NCOA6: variants seen among roughly 807,000 people sequenced by gnomAD.
NCOA6 encodes the protein nuclear receptor coactivator 6, also known as NRC RAP250.
A neutral mutation model predicts 171.4 loss-of-function variants in NCOA6; 49 were observed. The ratio of observed to expected loss-of-function variants is 0.29; its 90% confidence interval spans 0.23 to 0.36. The LOEUF (loss-of-function observed/expected upper bound fraction) is 0.36, where lower values mean the gene tolerates loss of function less well. Ranked by LOEUF, NCOA6 falls within the 10% of genes least tolerant of loss-of-function variation. The probability of loss-of-function intolerance (pLI) is 1.00; values close to 1 mark genes in which losing one functional copy is unlikely to be tolerated. For missense variants in NCOA6, 2,248 were observed against 2,554.5 expected (o/e 0.88, Z 2.59); for synonymous variants, 910 against 927.5 (o/e 0.98, Z 0.34).
intron 1 of NCOA6, among the ~76,000 whole-genome samples, chr20:34,809,785 G>A (rs1363227639): frequency 1.3e-5 from 2 of 152,044 alleles, no homozygotes; most frequent in Non-Finnish European, 1.5e-5. Flanking sequence ...TGACCAACAT[G>A]GCAAAACCCC....
At chr20:34,804,529 T>C (rs1481424242) in intron 1 of NCOA6, among the ~76,000 whole-genome samples, 5 of 148,602 alleles carry the variant, frequency 3.4e-5, no homozygotes, top group Non-Finnish European at 7.5e-5. Flanking sequence ...AAAAAGTTCA[T>C]CAAAATATTC....
intron 5 of NCOA6, among the ~76,000 whole-genome samples, chr20:34,765,306 A>AC (rs1481335516): frequency 2.0e-5 from 3 of 151,668 alleles, no homozygotes; most frequent in African/African-American, 7.3e-5. Context: ...CAAAAAAAAA[A>AC]ATTAGCCAGG....
intron 14 of NCOA6, among the ~76,000 whole-genome samples, chr20:34,726,287 C>G (rs1288579668): frequency 6.6e-6 from 1 of 152,114 alleles, no homozygotes; most frequent in Non-Finnish European, 1.5e-5. Flanking sequence ...AAGGAGGATA[C>G]TGGTAGATTT....
rs1483127160 is a variant in NCOA6, at chr20:34,725,450, C to CTTGTG, written c.6148+1808_6148+1809insCACAA. Among the ~76,000 whole-genome samples, 104 of 152,258 alleles carry CTTGTG rather than the reference C, an allele frequency of 6.8e-4. 2 individuals are homozygous for CTTGTG. Among genetic ancestry groups the CTTGTG allele is most frequent in the African/African-American group, 2.2e-3 (92 of 41,524 alleles). On this transcript the variant is annotated intron_variant, in intron 14 of 14. Coordinates refer to ENST00000359003, the MANE Select transcript of NCOA6 (RefSeq NM_014071.5). Reference sequence around the variant, plus strand: ...AGAAGAGCACTCCCTGCAGTAGCTGCAACATATGCACAGGCTTGTGATCAG... The same window carrying CTTGTG: ...AGAAGAGCACTCCCTGCAGTAGCTGCTTGTGAACATATGCACAGGCTTGTGATCAG...
intron 14 of NCOA6, among the ~76,000 whole-genome samples, chr20:34,724,241 C>T (rs1201781271): frequency 6.6e-6 from 1 of 152,160 alleles, no homozygotes; most frequent in Admixed American, 6.5e-5. Flanking sequence ...AGAAAGAAGG[C>T]CTCTCTCACC....
chr20:34,754,928 T>C (rs2076601856), intron 7 of NCOA6, 60 bp from the exon 8 acceptor site: 13 of 1,569,006 alleles, frequency 8.3e-6, no homozygotes, highest in Admixed American at 1.7e-5. Flanking sequence ...TGCTTAGATA[T>C]GGAATGAATA....
At chr20:34,759,030 T>C in intron 5 of NCOA6, 97 bp from the exon 6 acceptor site, 1 of 267,914 alleles carries the variant, frequency 3.7e-6, no homozygotes, top group Non-Finnish European at 5.4e-6. Flanking sequence ...GGAAAATTTG[T>C]TTTTTTTTTT....
intron 11 of NCOA6, 46 bp from the exon 12 acceptor site, chr20:34,736,804 A>G: frequency 1.3e-6 from 2 of 1,514,906 alleles, no homozygotes; most frequent in African/African-American, 1.4e-5. Context: ...TTTCTTTTCT[A>G]AACAAAAAGA....
intron 1 of NCOA6, among the ~76,000 whole-genome samples, chr20:34,795,925 A>G (rs2078051994): frequency 6.6e-6 from 1 of 152,152 alleles, no homozygotes; most frequent in Non-Finnish European, 1.5e-5. Flanking sequence ...AGATATTACA[A>G]ATATGGCAAA....
At chr20:34,754,924 G>A in intron 7 of NCOA6, 56 bp from the exon 8 acceptor site, 1 of 1,572,282 alleles carries the variant, frequency 6.4e-7, no homozygotes, top group Non-Finnish European at 8.7e-7. Flanking sequence ...CTCTTGCTTA[G>A]ATATGGAATG....
At chr20:34,790,760 C>T (rs2077852742) in intron 2 of NCOA6, among the ~76,000 whole-genome samples, 1 of 152,156 alleles carries the variant, frequency 6.6e-6, no homozygotes, top group Non-Finnish European at 1.5e-5. Context: ...AGTGATTCTC[C>T]TGCCTCAGCC....
chr20:34,745,693 C>A (rs1219221693), intron 10 of NCOA6, among the ~76,000 whole-genome samples: 1 of 152,132 alleles, frequency 6.6e-6, no homozygotes, highest in Non-Finnish European at 1.5e-5. Flanking sequence ...ACAAAACATA[C>A]CCTCTGTACA....
chr20:34,743,188 G>C lies in NCOA6; in HGVS notation c.3068C>G (p.Ser1023Cys), dbSNP rs753977911. The change falls in exon 11 of 15, where the codon TCT (serine) becomes TGT (cysteine). Residue 1023 changes from serine (S) to cysteine (C), a missense_variant. By Grantham distance (112) the Ser-to-Cys change is moderately radical. This residue lies in a region of NCOA6 where 352 missense variants were observed against 419.1 expected (regional missense o/e 0.84). Coordinates refer to ENST00000359003, the MANE Select transcript of NCOA6 (RefSeq NM_014071.5). The part of the protein sequence containing the change: ...QQPPPPSQPQ[S>C]QQQQQQQQQM... ...TTGCTGCTGCTGCTGCTGCTGCTGAGACTGTGGCTGACTGGGAGGTGGTGG... is the reference window on the plus strand; with the variant it reads ...TTGCTGCTGCTGCTGCTGCTGCTGACACTGTGGCTGACTGGGAGGTGGTGG... 1.9e-6 allele frequency: 3 copies of C among 1,613,886 alleles called. No homozygotes were observed. The highest frequency in any genetic ancestry group is 4.5e-5 in the East Asian group (2 of 44,884).
intron 12 of NCOA6, among the ~76,000 whole-genome samples, chr20:34,733,488 AC>A (rs942880157): frequency 6.6e-6 from 1 of 152,138 alleles, no homozygotes; most frequent in Non-Finnish European, 1.5e-5. Flanking sequence ...TAGCCATGTG[AC>A]CTTGGGTAAA....
At chr20:34,731,079 G>A (rs1467218217) in intron 13 of NCOA6, among the ~76,000 whole-genome samples, 6 of 151,978 alleles carry the variant, frequency 3.9e-5, no homozygotes, top group African/African-American at 1.2e-4. Flanking sequence ...GGGTGCAGTG[G>A]CATGATCTCG....
intron 3 of NCOA6, among the ~76,000 whole-genome samples, chr20:34,777,130 A>AAG (rs2077352155): frequency 6.6e-6 from 1 of 151,748 alleles, no homozygotes; most frequent in African/African-American, 2.4e-5. Flanking sequence ...AAAAAAAAAA[A>AAG]AAAAAAAAGG....
Position 34,743,187 on chromosome 20 carries a change from A to C in NCOA6, c.3069T>G (p.Ser1023=), listed in dbSNP as rs1314279528. The C allele has an allele frequency of 4.3e-6, 7 of 1,613,746 alleles. No individual in the cohort carries two copies. The highest frequency in any genetic ancestry group is 5.9e-6 in the Non-Finnish European group (7 of 1,179,868). ...QQPPPPSQPQ[S]QQQQQQQQQM... is the part of the protein sequence containing the mutation. ...GTTGCTGCTGCTGCTGCTGCTGCTGAGACTGTGGCTGACTGGGAGGTGGTG... is the reference window on the plus strand; with the variant it reads ...GTTGCTGCTGCTGCTGCTGCTGCTGCGACTGTGGCTGACTGGGAGGTGGTG... Residue 1023 remains serine, a synonymous_variant, in exon 11 of 15, where the codon TCT becomes TCG. Coordinates refer to ENST00000359003, the MANE Select transcript of NCOA6 (RefSeq NM_014071.5).
intron 13 of NCOA6, among the ~76,000 whole-genome samples, chr20:34,732,101 T>C (rs1233613432): frequency 5.3e-5 from 8 of 152,200 alleles, no homozygotes. Context: ...ATGTATGTCA[T>C]TTTGTAGGGT....
chr20:34,779,057 A>C (rs761087454), intron 3 of NCOA6, among the ~76,000 whole-genome samples: 1 of 152,062 alleles, frequency 6.6e-6, no homozygotes, highest in African/African-American at 2.4e-5. Flanking sequence ...AATTTCCACT[A>C]AACTGTATAC....
Sources: gnomAD v4.1 joint callset for allele counts (sites outside exome capture counted in the v4.1 genomes callset) on GRCh38, gnomAD v4.1.1 for gene constraint, gnomAD v4.1.1 regional missense constraint, MANE v1.5 for transcripts, NCBI Gene and HGNC (gene_info 2026-07-23, HGNC 2026-07-21) for gene names.